CRB1: variants seen among roughly 807,000 people sequenced by gnomAD.
CRB1 encodes the protein protein crumbs homolog 1.
A neutral mutation model predicts 120.0 loss-of-function variants in CRB1; 83 were observed. The ratio of observed to expected loss-of-function variants is 0.69; its 90% CI spans 0.58 to 0.83. The LOEUF is 0.83. Ranked by LOEUF, CRB1 falls within the 40% of genes least tolerant of loss-of-function variation. The probability of loss-of-function intolerance (pLI) is 0.00; values close to 1 mark genes in which losing one functional copy is unlikely to be tolerated. For synonymous variants in CRB1, 625 were observed against 612.5 expected (o/e 1.02, Z -0.30); for missense variants, 1,699 against 1,687.6 (o/e 1.01, Z -0.12).
chr1:197,417,050 A>G (rs772406033), intron 5 of CRB1, among the ~76,000 whole-genome samples: 1 of 152,194 alleles, frequency 6.6e-6, no homozygotes, highest in Non-Finnish European at 1.5e-5. Flanking sequence ...AATTCTTCAG[A>G]GGCAATTTGA....
the CRB1 span, chr1:197,223,386 G>A: frequency 6.5e-5 from 32 of 492,612 alleles, no homozygotes; most frequent in African/African-American, 5.1e-4. Flanking sequence ...TCTCTATTTT[G>A]TGTGTGCCTA....
At chr1:197,241,961 T>G in the CRB1 span, among the ~76,000 whole-genome samples, 1 of 152,300 alleles carries the variant, frequency 6.6e-6, no homozygotes, top group Middle Eastern at 3.4e-3. Context: ...CAATTGTGAA[T>G]GGGAATTCAC....
At chr1:197,267,009 T>C (rs953275839), upstream of CRB1, among the ~76,000 whole-genome samples, 40 of 152,270 alleles carry the variant, frequency 2.6e-4, no homozygotes, top group East Asian at 7.3e-3. Flanking sequence ...AGAATAAAGA[T>C]GAAAAGAGAC....
intron 1 of CRB1, among the ~76,000 whole-genome samples, chr1:197,278,254 C>A (rs953443865): frequency 6.6e-6 from 1 of 151,914 alleles, no homozygotes; most frequent in African/African-American, 2.4e-5. Context: ...AAATTCCTTA[C>A]TCCTTCCACC....
chr1:197,215,852 A>T, the CRB1 span, among the ~76,000 whole-genome samples: 1 of 152,290 alleles, frequency 6.6e-6, no homozygotes, highest in Admixed American at 6.5e-5. Flanking sequence ...TTTTCCCATT[A>T]ATCCAGTCAT....
At chr1:197,386,267 G>C (rs567162257) in intron 5 of CRB1, among the ~76,000 whole-genome samples, 1 of 152,098 alleles carries the variant, frequency 6.6e-6, no homozygotes, top group African/African-American at 2.4e-5. Context: ...CAAACGATAT[G>C]GTAAATATAC....
chr1:197,347,529 C>T, intron 4 of CRB1, 50 bp downstream of exon 4: 1 of 1,565,644 alleles, frequency 6.4e-7, no homozygotes, highest in Non-Finnish European at 8.8e-7. Context: ...GTTTAGAATA[C>T]ACATATCGCT....
At chr1:197,448,959 A>G (rs1400753222) in intron 11 of CRB1, among the ~76,000 whole-genome samples, 1 of 152,198 alleles carries the variant, frequency 6.6e-6, no homozygotes, top group Non-Finnish European at 1.5e-5. Context: ...CCTTATTTTA[A>G]TATTTTTATT....
intron 1 of CRB1, among the ~76,000 whole-genome samples, chr1:197,306,775 C>CT (rs1475626481): frequency 6.6e-6 from 1 of 152,192 alleles, no homozygotes; most frequent in Non-Finnish European, 1.5e-5. Flanking sequence ...AGAGGGGTCT[C>CT]TGTCTGTGCT....
At chr1:197,432,138 G>A (rs910849076) in intron 8 of CRB1, among the ~76,000 whole-genome samples, 2 of 152,098 alleles carry the variant, frequency 1.3e-5, no homozygotes, top group East Asian at 3.8e-4. Context: ...AAGTACAAAA[G>A]TGATTAGGTA....
At chr1:197,233,134 T>G in the CRB1 span, among the ~76,000 whole-genome samples, 9 of 152,100 alleles carry the variant, frequency 5.9e-5, no homozygotes, top group Non-Finnish European at 1.5e-5. Flanking sequence ...GTGGCCAAGA[T>G]AGTAAATCAA....
intron 8 of CRB1, among the ~76,000 whole-genome samples, chr1:197,431,444 T>C (rs1664866651): frequency 6.6e-6 from 1 of 152,222 alleles, no homozygotes; most frequent in Non-Finnish European, 1.5e-5. Flanking sequence ...TTCATTCTAC[T>C]TCTTTAATTA....
At position 197,393,846 on chromosome 1, in the gene CRB1, C is replaced by T. The variant is rs551846060; in HGVS notation, c.1172-27154C>T. 4.6e-5 allele frequency among the ~76,000 whole-genome samples: 7 copies of T among 151,928 alleles called. No homozygotes were observed. The South Asian group carries it at 1.2e-3, about 27-fold the overall frequency. ...TCTATAAATGTATTTCAATATGTAT[C>T]GAGAAAACAGAATAAAGTTAAGTGA... On this transcript the variant is annotated intron_variant, in intron 5 of 11. Coordinates refer to ENST00000367400, the MANE Select transcript of CRB1 (RefSeq NM_201253.3).
At chr1:197,451,355 G>C (rs950415399) in intron 11 of CRB1, among the ~76,000 whole-genome samples, 1 of 152,198 alleles carries the variant, frequency 6.6e-6, no homozygotes, top group Non-Finnish European at 1.5e-5. Context: ...GTTGAGCAAA[G>C]TGTAGTACAC....
intron 3 of CRB1, among the ~76,000 whole-genome samples, chr1:197,345,031 C>T (rs1234021232): frequency 6.6e-6 from 1 of 151,880 alleles, no homozygotes; most frequent in Non-Finnish European, 1.5e-5. Context: ...GGCTTTCAGG[C>T]AAAATAGAAC....
chr1:197,408,145 C>T (rs573840952), intron 5 of CRB1, among the ~76,000 whole-genome samples: 1 of 152,058 alleles, frequency 6.6e-6, no homozygotes, highest in Non-Finnish European at 1.5e-5. Context: ...ATACAATGTA[C>T]TCTGTGCTGG....
chr1:197,270,016 A>T (rs910141455), intron 1 of CRB1, among the ~76,000 whole-genome samples: 8 of 152,086 alleles, frequency 5.3e-5, no homozygotes, highest in Non-Finnish European at 1.2e-4. Flanking sequence ...TGATATATTT[A>T]TTGGCAAGAT....
In CRB1 at chr1:197,435,486, G is replaced by A. The variant is rs773073634; in HGVS notation, c.3623G>A (p.Gly1208Asp). The change falls in exon 9 of 12, where the codon GGT (glycine) becomes GAT (aspartate). Residue 1208 changes from glycine to aspartate, a missense_variant. Coordinates refer to ENST00000367400, the MANE Select transcript of CRB1 (RefSeq NM_201253.3). Reference protein sequence around the residue: ...YHCTCEPGYTGVNCEVDIDNC... With the variant: ...YHCTCEPGYTDVNCEVDIDNC... ...TGCACATGTGAGCCTGGATACACTG[G>A]TGTGAACTGTGAAGTGGATATAGAC... The A allele has an allele frequency of 6.2e-7, 1 of 1,606,750 alleles. No homozygotes were observed. The highest frequency in any genetic ancestry group is 1.7e-5 in the Admixed American group (1 of 59,614).
At position 197,381,068 on chromosome 1, in the gene CRB1, A is replaced by T. The variant is rs112410825; in HGVS notation, c.1171+24055A>T. Among the ~76,000 whole-genome samples, 287 of 152,272 alleles carry T rather than the reference A, an allele frequency of 1.9e-3. 1 individual carries two copies. The highest frequency in any genetic ancestry group is 6.6e-3 in the African/African-American group (273 of 41,550). Reference sequence around the variant, plus strand: ...TTCCCATTTGAATTATTACTCTTAGATCCTGAACAATCATTAATTAATACC... The same window carrying T: ...TTCCCATTTGAATTATTACTCTTAGTTCCTGAACAATCATTAATTAATACC... On this transcript the variant is annotated intron_variant, in intron 5 of 11. Transcript: ENST00000367400.
Sources: gnomAD v4.1 joint callset for allele counts (sites outside exome capture counted in the v4.1 genomes callset) on GRCh38, gnomAD v4.1.1 for gene constraint, MANE v1.5 for transcripts, NCBI Gene and HGNC (gene_info 2026-07-23, HGNC 2026-07-21) for gene names.